The following NUDT12 variants were observed in gnomAD, a reference collection of about 807,000 sequenced individuals.
NUDT12 encodes NAD-capped RNA hydrolase NUDT12.
NUDT12 carries 42 observed loss-of-function variants against 45.7 expected under a neutral mutation model. That is an observed-to-expected ratio of 0.92 (90% CI 0.72 to 1.19). The LOEUF (loss-of-function observed/expected upper bound fraction) is 1.19, where lower values mean the gene tolerates loss of function less well. NUDT12 is among the 50% of genes most tolerant of loss of function. The pLI is 0.00. For synonymous variants in NUDT12, 206 were observed against 179.7 expected (o/e 1.15, Z -1.17); for missense variants, 590 against 533.1 (o/e 1.11, Z -1.05).
chr5:103,556,098 C>T lies in NUDT12; in HGVS notation c.797G>A (p.Gly266Glu), dbSNP rs541871963. The T allele has an allele frequency of 2.6e-6, 4 of 1,555,520 alleles. No individual in the cohort carries two copies. Among genetic ancestry groups the T allele is most frequent in the East Asian group, 4.5e-5 (2 of 43,996 alleles). Residue 266 changes from glycine to glutamate, a missense_variant and splice_region_variant, in exon 4 of 7, where the codon GGG becomes GAG. Coordinates refer to ENST00000230792, the MANE Select transcript of NUDT12 (RefSeq NM_031438.4). The part of the protein sequence containing the change: ...ALLQLKEKEA[G>E]VVAQARSVLA... The stretch of plus-strand genomic sequence containing the variant: ...AACAGATCTTGCTTGAGCTACAACC[C>T]CTTCAAAAAAAAGAAAAGCACAAAA...
At chr5:103,556,950 T>G (rs961157696) in intron 3 of NUDT12, among the ~76,000 whole-genome samples, 2 of 152,074 alleles carry the variant, frequency 1.3e-5, no homozygotes, top group Admixed American at 1.3e-4. Flanking sequence ...ATTACGTTTT[T>G]GCCTGCTACG....
Position 103,559,215 on chromosome 5 carries a change from A to C in NUDT12, c.460T>G (p.Ser154Ala). The change falls in exon 3 of 7, where the codon TCA (serine) becomes GCA (alanine). Residue 154 changes from serine (S) to alanine (A), a missense_variant. Physicochemically the swap from Ser to Ala is moderately conservative, Grantham distance 99. Transcript: ENST00000230792. Reference protein sequence around the residue: ...SHPATVFILFSDLNPLVTLGG... With the variant: ...SHPATVFILFADLNPLVTLGG... ...AGAGTAACCAAGGGATTTAAATCTG[A>C]GAAAAGAATAAAAACTGTGGCTGGA... 6.4e-7 allele frequency: 1 copy of C among 1,558,880 alleles called. No individual in the cohort carries two copies. The highest frequency in any genetic ancestry group is 8.6e-7 in the Non-Finnish European group (1 of 1,157,132).
chr5:103,557,236 A>C (rs2112452804), intron 3 of NUDT12, among the ~76,000 whole-genome samples: 1 of 144,866 alleles, frequency 6.9e-6, no homozygotes, highest in African/African-American at 2.5e-5. Flanking sequence ...AAGGGAAAAA[A>C]GCAAGCAACT....
At chr5:103,561,060 C>CT (rs75956704) in intron 1 of NUDT12, among the ~76,000 whole-genome samples, 20,363 of 133,252 alleles carry the variant, frequency 0.15, 1,535 homozygotes, top group Middle Eastern at 0.27. Context: ...CTTTTTTTGT[C>CT]TTTTTTTTTT....
chr5:103,560,383 C>T (rs1280582454), intron 1 of NUDT12, 129 bp from the exon 2 acceptor site: 1 of 628,566 alleles, frequency 1.6e-6, no homozygotes, highest in Non-Finnish European at 2.8e-6. Flanking sequence ...ACAGGCAATC[C>T]TTAAACAGCA....
rs1438278935 is a variant in NUDT12 at position 103,556,063 on chromosome 5, G to T, written c.832C>A (p.His278Asn). The T allele has an allele frequency of 6.2e-7, 1 of 1,611,414 alleles. No homozygotes were observed. The highest frequency in any genetic ancestry group is 8.5e-7 in the Non-Finnish European group (1 of 1,178,596). The stretch of plus-strand genomic sequence containing the variant: ...GTTGGGCAAAACTTGTATCGACTGT[G>T]CCAGGCAAGAACAGATCTTGCTTGA... The part of the protein sequence containing the change: ...VAQARSVLAW[H>N]SRYKFCPTCG... Residue 278 changes from histidine to asparagine, a missense_variant, in exon 4 of 7, where the codon CAC becomes AAC. His to Asn is a moderately conservative substitution (Grantham distance 68). Coordinates refer to ENST00000230792, the MANE Select transcript of NUDT12 (RefSeq NM_031438.4).
intron 1 of NUDT12, among the ~76,000 whole-genome samples, chr5:103,560,985 T>A (rs925081914): frequency 6.6e-6 from 1 of 151,964 alleles, no homozygotes; most frequent in Non-Finnish European, 1.5e-5. Flanking sequence ...AACCCTGAAA[T>A]AATTGTTCCA....
At chr5:103,555,860 C>A (rs977775069) in intron 4 of NUDT12, 71 bp downstream of exon 4, 4 of 1,238,566 alleles carry the variant, frequency 3.2e-6, no homozygotes, top group African/African-American at 3.1e-5. Flanking sequence ...TAGCTCCTCA[C>A]AAATTTTCTC....
intron 1 of NUDT12, among the ~76,000 whole-genome samples, chr5:103,561,954 C>T (rs1749046178): frequency 6.6e-6 from 1 of 152,084 alleles, no homozygotes. Flanking sequence ...GCAGAAAAGC[C>T]ATCTAGAAAT....
intron 4 of NUDT12, among the ~76,000 whole-genome samples, chr5:103,555,087 C>T (rs1157435223): frequency 6.6e-6 from 1 of 151,894 alleles, no homozygotes; most frequent in Non-Finnish European, 1.5e-5. Context: ...TGTCCTTCTT[C>T]CCCCAATCTT....
rs890402462 is a variant in NUDT12, at chr5:103,549,080, C to T, written c.*1781G>A. On this transcript the variant is annotated 3_prime_UTR_variant, in exon 7 of 7. Coordinates refer to ENST00000230792, the MANE Select transcript of NUDT12 (RefSeq NM_031438.4). ...ATCCAAAACAAAATGTATAACTACA[C>T]TTGTTGATACTTTATATTCTACTTT... 4.6e-5 allele frequency: 7 copies of T among 152,050 alleles called. No homozygotes were observed. The highest frequency in any genetic ancestry group is 7.4e-5 in the Non-Finnish European group (5 of 67,958). 9.4% of individuals were successfully genotyped at this position (152,050 alleles called of 1,614,324 possible). A position where few individuals can be genotyped will look rare whatever the true frequency, so the allele number is the denominator to read the frequency against.
At chr5:103,553,743 A>G (rs770924543) in intron 5 of NUDT12, among the ~76,000 whole-genome samples, 68 of 152,122 alleles carry the variant, frequency 4.5e-4, no homozygotes, top group Admixed American at 3.8e-3. Flanking sequence ...GAATGGATAA[A>G]TAGTGGAATA....
At chr5:103,552,070 G>A in intron 6 of NUDT12, 147 bp downstream of exon 6, 2 of 620,762 alleles carry the variant, frequency 3.2e-6, no homozygotes, top group Middle Eastern at 4.4e-4. Context: ...CCTCCTGTAT[G>A]GAATTACTAA....
chr5:103,549,312 A>G lies in NUDT12; in HGVS notation c.*1549T>C, dbSNP rs1463586142. 7 of 152,016 alleles carry G rather than the reference A, an allele frequency of 4.6e-5. No homozygotes were observed. Among genetic ancestry groups the G allele is most frequent in the African/African-American group, 1.7e-4 (7 of 41,440 alleles). 9.4% of individuals were successfully genotyped at this position (152,016 alleles called of 1,614,324 possible). ...AGTTTTAATTTGGTTTAAATTCTTG[A>G]TACCAATAAGCCTTCATCAATTCCT... On this transcript the variant is annotated 3_prime_UTR_variant, in exon 7 of 7. Coordinates refer to ENST00000230792, the MANE Select transcript of NUDT12 (RefSeq NM_031438.4).
chr5:103,553,991 A>G (rs193248016), intron 5 of NUDT12, among the ~76,000 whole-genome samples: 96 of 152,182 alleles, frequency 6.3e-4, no homozygotes, highest in African/African-American at 2.2e-3. Context: ...TACAAAAAAT[A>G]TATATAAAGC....
rs200827835 is a variant in NUDT12 at position 103,554,859 on chromosome 5, G to A, written c.965-6C>T. 20 of 1,016,570 alleles carry A rather than the reference G, an allele frequency of 2.0e-5. No homozygotes were observed. The highest frequency in any genetic ancestry group is 2.3e-4 in the Middle Eastern group (1 of 4,370). 63.0% of individuals were successfully genotyped at this position (1,016,570 alleles called of 1,614,324 possible). A position where few individuals can be genotyped will look rare whatever the true frequency, so the allele number is the denominator to read the frequency against. The stretch of plus-strand genomic sequence containing the variant: ...TTGCATGATTACTACTGGATCTGTT[G>A]AAAAAAAAAATCAGATACATGAATG... On this transcript the variant is annotated splice_region_variant and splice_polypyrimidine_tract_variant and intron_variant, in intron 4 of 6. Coordinates refer to ENST00000230792, the MANE Select transcript of NUDT12 (RefSeq NM_031438.4).
rs1748580474 is a variant in NUDT12, at chr5:103,549,277, G to A, written c.*1584C>T. 1 of 151,888 alleles carries A rather than the reference G, an allele frequency of 6.6e-6. No individual in the cohort carries two copies. Among genetic ancestry groups the A allele is most frequent in the South Asian group, 2.1e-4 (1 of 4,832 alleles). The allele number at this position is 151,888 out of a possible 1,614,324, so 9.4% of individuals were successfully genotyped here. A position where few individuals can be genotyped will look rare whatever the true frequency, so the allele number is the denominator to read the frequency against. On this transcript the variant is annotated 3_prime_UTR_variant, in exon 7 of 7. Transcript: ENST00000230792. Reference sequence around the variant, plus strand: ...CTCGAATTTTATTATGTATCTAAATGTCCTCTGTCAGTTTTAATTTGGTTT... The same window carrying A: ...CTCGAATTTTATTATGTATCTAAATATCCTCTGTCAGTTTTAATTTGGTTT...
At chr5:103,560,511 C>T (rs1441232414) in intron 1 of NUDT12, among the ~76,000 whole-genome samples, 1 of 151,798 alleles carries the variant, frequency 6.6e-6, no homozygotes, top group Non-Finnish European at 1.5e-5. Context: ...GACGAGGGGG[C>T]CATATCCTTG....
chr5:103,559,940 G>C, intron 2 of NUDT12, 103 bp downstream of exon 2: 1 of 748,980 alleles, frequency 1.3e-6, no homozygotes, highest in East Asian at 2.6e-5. Flanking sequence ...TTATTTAGTA[G>C]TTCAACAATA....
Sources: gnomAD v4.1 joint callset for allele counts (sites outside exome capture counted in the v4.1 genomes callset) on GRCh38, gnomAD v4.1.1 for gene constraint, MANE v1.5 for transcripts, NCBI Gene and HGNC (gene_info 2026-07-23, HGNC 2026-07-21) for gene names.